ZFPM2: variants seen among roughly 807,000 people sequenced by gnomAD.
The protein encoded by ZFPM2 is zinc finger protein ZFPM2.
Under a neutral mutation model 98.6 loss-of-function variants are expected in ZFPM2, and 20 were observed. The ratio of observed to expected loss-of-function variants is 0.20; its 90% CI spans 0.14 to 0.29. ZFPM2 has a LOEUF of 0.29. ZFPM2 is among the 10% of genes least tolerant of loss of function. The pLI, the probability that ZFPM2 is intolerant of heterozygous loss-of-function variation, is 1.00. For synonymous variants in ZFPM2, 518 were observed against 502.7 expected, an observed-to-expected ratio of 1.03 and a Z score of -0.41; for missense variants, 1,310 against 1,388.6, an observed-to-expected ratio of 0.94 and a Z score of 0.90.
rs1002740140 is a variant in ZFPM2 at position 105,653,920 on chromosome 8, T to TAGAAA, written c.532+19580_532+19584dup. ...CCTCTCATTCCCACAAATGGGATTA[T>TAGAAA]AGAAAAGAAAAGAAAAGAAAATGCT... On this transcript the variant is annotated intron_variant, in intron 5 of 7. Coordinates refer to ENST00000407775, the MANE Select transcript of ZFPM2 (RefSeq NM_012082.4). Among the ~76,000 whole-genome samples the TAGAAA allele has an allele frequency of 1.1e-4, 12 of 109,304 alleles. No individual in the cohort carries two copies. The East Asian group carries it at 1.1e-3, about 10-fold the overall frequency. The allele number at this position is 109,304 out of a possible 152,430, so 71.7% of individuals were successfully genotyped here.
chr8:105,368,765 G>A (rs968629230), intron 1 of ZFPM2, among the ~76,000 whole-genome samples: 7 of 152,092 alleles, frequency 4.6e-5, no homozygotes, highest in African/African-American at 1.7e-4. Context: ...TCAAGATAGG[G>A]GAAAGAGGAG....
At chr8:105,483,216 T>C (rs1813159495) in intron 3 of ZFPM2, among the ~76,000 whole-genome samples, 1 of 152,042 alleles carries the variant, frequency 6.6e-6, no homozygotes, top group Non-Finnish European at 1.5e-5. Context: ...CTCTTAATAA[T>C]AAATTCTCAG....
At chr8:105,657,645 T>C (rs886397131) in intron 5 of ZFPM2, among the ~76,000 whole-genome samples, 3 of 152,214 alleles carry the variant, frequency 2.0e-5, no homozygotes, top group African/African-American at 7.2e-5. Context: ...TTTGGGCACG[T>C]ACTTTATAAG....
chr8:105,726,622 G>T (rs755012134), intron 5 of ZFPM2, among the ~76,000 whole-genome samples: 2 of 151,724 alleles, frequency 1.3e-5, no homozygotes, highest in East Asian at 3.9e-4. Context: ...TAAGAACACC[G>T]AAGATGTAAT....
intron 1 of ZFPM2, among the ~76,000 whole-genome samples, chr8:105,344,686 T>G (rs1396645034): frequency 6.6e-6 from 1 of 152,012 alleles, no homozygotes; most frequent in Non-Finnish European, 1.5e-5. Context: ...CATATATATG[T>G]GTGTGTGTAT....
At chr8:105,408,170 A>G (rs1486050029) in intron 1 of ZFPM2, among the ~76,000 whole-genome samples, 1 of 151,744 alleles carries the variant, frequency 6.6e-6, no homozygotes, top group African/African-American at 2.4e-5. Flanking sequence ...TTGTTATCAC[A>G]CCCTACCCGC....
At chr8:105,778,797 G>A (rs75947346) in intron 5 of ZFPM2, among the ~76,000 whole-genome samples, 4 of 151,644 alleles carry the variant, frequency 2.6e-5, no homozygotes, top group South Asian at 2.1e-4. Context: ...TGCTGGTTCC[G>A]TTATGCATAA....
chr8:105,513,392 C>G (rs1440599503), intron 3 of ZFPM2, among the ~76,000 whole-genome samples: 1 of 152,124 alleles, frequency 6.6e-6, no homozygotes. Context: ...GGTATCTGAT[C>G]CAAAGCGATG....
chr8:105,528,917 A>C (rs148600942), intron 3 of ZFPM2: 3 of 152,310 alleles, frequency 2.0e-5, no homozygotes, highest in African/African-American at 7.2e-5. Flanking sequence ...GTCTGAAGTA[A>C]AGAAAGTTTT....
chr8:105,746,787 G>T (rs1812359428), intron 5 of ZFPM2, among the ~76,000 whole-genome samples: 1 of 151,416 alleles, frequency 6.6e-6, no homozygotes, highest in Admixed American at 6.6e-5. Context: ...TCTTGTTAAG[G>T]CCGATGCGGT....
At chr8:105,390,405 C>G (rs1811083824) in intron 1 of ZFPM2, among the ~76,000 whole-genome samples, 1 of 152,218 alleles carries the variant, frequency 6.6e-6, no homozygotes, top group African/African-American at 2.4e-5. Context: ...AGGGCAAGGT[C>G]TAGCATGGTT....
intron 3 of ZFPM2, among the ~76,000 whole-genome samples, chr8:105,449,683 C>G (rs1289713846): frequency 6.6e-6 from 1 of 151,908 alleles, no homozygotes; most frequent in Non-Finnish European, 1.5e-5. Context: ...CTGCCACTTA[C>G]CAATTTTGTG....
At chr8:105,564,066 T>A (rs1282633309) in intron 4 of ZFPM2, among the ~76,000 whole-genome samples, 1 of 152,114 alleles carries the variant, frequency 6.6e-6, no homozygotes, top group African/African-American at 2.4e-5. Flanking sequence ...TTGATTTTTT[T>A]ATTTTTCATT....
At chr8:105,647,957 T>C (rs1817084563) in intron 5 of ZFPM2, among the ~76,000 whole-genome samples, 1 of 152,170 alleles carries the variant, frequency 6.6e-6, no homozygotes, top group South Asian at 2.1e-4. Flanking sequence ...CACCACACTG[T>C]CTTTCACAAT....
At chr8:105,327,395 T>C (rs1160920672) in intron 1 of ZFPM2, among the ~76,000 whole-genome samples, 1 of 151,734 alleles carries the variant, frequency 6.6e-6, no homozygotes, top group African/African-American at 2.4e-5. Context: ...CTGTATTAAT[T>C]ACTCCCTTGG....
intron 5 of ZFPM2, among the ~76,000 whole-genome samples, chr8:105,666,650 CATA>C (rs1456074958): frequency 6.6e-6 from 1 of 152,164 alleles, no homozygotes; most frequent in Non-Finnish European, 1.5e-5. Flanking sequence ...AAAATATTAT[CATA>C]ATATTACTAA....
chr8:105,439,883 T>A (rs6992053), intron 2 of ZFPM2, among the ~76,000 whole-genome samples: 49,950 of 151,978 alleles, frequency 0.33, 9,952 homozygotes, highest in African/African-American at 0.56. Flanking sequence ...TCTGTGAAAA[T>A]GTAATCAAAA....
intron 1 of ZFPM2, among the ~76,000 whole-genome samples, chr8:105,416,252 G>A (rs1349827795): frequency 6.6e-6 from 1 of 151,332 alleles, no homozygotes; most frequent in Non-Finnish European, 1.5e-5. Flanking sequence ...TTTCCCATGA[G>A]CATTTCAATA....
intron 3 of ZFPM2, among the ~76,000 whole-genome samples, chr8:105,521,831 C>A (rs1395799573): frequency 6.6e-6 from 1 of 152,180 alleles, no homozygotes; most frequent in Non-Finnish European, 1.5e-5. Flanking sequence ...CCCACCTCGG[C>A]CTCCCAAAGT....
Sources: allele counts gnomAD v4.1 joint callset (sites outside exome capture counted in the v4.1 genomes callset), GRCh38; gene constraint gnomAD v4.1.1; transcripts MANE v1.5; gene names NCBI Gene and HGNC (gene_info 2026-07-23, HGNC 2026-07-21).